Variants in SPMAP2L observed in about 807,000 individuals in gnomAD.
SPMAP2L encodes the protein sperm microtubule associated protein 2 like.
chr4:56,594,521 G>T, the SPMAP2L span: 3 of 1,607,710 alleles, frequency 1.9e-6, no homozygotes, highest in Middle Eastern at 1.8e-4. Flanking sequence ...AGCCCAGGGA[G>T]AATATGCTGG....
chr4:56,612,345 CT>C, the SPMAP2L span, among the ~76,000 whole-genome samples: 4 of 152,014 alleles, frequency 2.6e-5, no homozygotes, highest in African/African-American at 7.2e-5. Context: ...CCAAACATTT[CT>C]TTTTTTCTTT....
chr4:56,624,680 T>G, the SPMAP2L span, among the ~76,000 whole-genome samples: 1 of 152,228 alleles, frequency 6.6e-6, no homozygotes, highest in African/African-American at 2.4e-5. Context: ...CTTCAAGCCT[T>G]GGCAGCTTCC....
At chr4:56,612,483 C>T in the SPMAP2L span, among the ~76,000 whole-genome samples, 10 of 152,118 alleles carry the variant, frequency 6.6e-5, no homozygotes, top group Middle Eastern at 3.4e-3. Context: ...TGAGCCACCA[C>T]GCCTGGCTAA....
the SPMAP2L span, among the ~76,000 whole-genome samples, chr4:56,619,850 A>G: frequency 6.6e-6 from 1 of 152,152 alleles, no homozygotes; most frequent in East Asian, 1.9e-4. Flanking sequence ...TATATAAGGA[A>G]CTCCTACAAC....
chr4:56,613,062 T>C, the SPMAP2L span, among the ~76,000 whole-genome samples: 1 of 152,156 alleles, frequency 6.6e-6, no homozygotes, highest in Non-Finnish European at 1.5e-5. Flanking sequence ...TTAGCCTTTG[T>C]TCTCCCTTAT....
chr4:56,564,566 T>G, the SPMAP2L span, among the ~76,000 whole-genome samples: 8 of 152,220 alleles, frequency 5.3e-5, no homozygotes, highest in African/African-American at 1.9e-4. Context: ...ATTGGTAGGT[T>G]GTGCCTTCTC....
the SPMAP2L span, among the ~76,000 whole-genome samples, chr4:56,553,180 CTTTTTTTTTTTTTTTT>C: frequency 6.7e-5 from 2 of 29,990 alleles, no homozygotes; most frequent in Non-Finnish European, 1.1e-4. Context: ...TCTCCTATTG[CTTTTTTTTTTTTTTTT>C]TTTTTTTTTT....
chr4:56,564,208 A>G, the SPMAP2L span, among the ~76,000 whole-genome samples: 3 of 149,484 alleles, frequency 2.0e-5, no homozygotes, highest in South Asian at 2.1e-4. Context: ...ATGTCTGCTC[A>G]CTGCAATCTC....
the SPMAP2L span, among the ~76,000 whole-genome samples, chr4:56,614,045 G>A: frequency 6.6e-6 from 1 of 152,142 alleles, no homozygotes; most frequent in Non-Finnish European, 1.5e-5. Flanking sequence ...TGGAGTCCTG[G>A]TAGCTTTTAG....
the SPMAP2L span, among the ~76,000 whole-genome samples, chr4:56,601,348 G>A: frequency 6.6e-6 from 1 of 152,136 alleles, no homozygotes; most frequent in Non-Finnish European, 1.5e-5. Context: ...GATGGGGCAG[G>A]TGGATCACAC....
chr4:56,590,998 T>C, the SPMAP2L span, among the ~76,000 whole-genome samples: 10 of 152,202 alleles, frequency 6.6e-5, no homozygotes, highest in Non-Finnish European at 1.5e-4. Flanking sequence ...GGTTTCTGTC[T>C]TAGAGAATTA....
the SPMAP2L span, among the ~76,000 whole-genome samples, chr4:56,582,361 C>A: frequency 6.6e-6 from 1 of 151,902 alleles, no homozygotes; most frequent in Non-Finnish European, 1.5e-5. Context: ...CAATAAAAGA[C>A]AAATAACCCA....
chr4:56,619,842 T>A, the SPMAP2L span, among the ~76,000 whole-genome samples: 600 of 152,184 alleles, frequency 3.9e-3, 1 homozygote, highest in South Asian at 0.012. Flanking sequence ...CCCCAATATA[T>A]ATAAGGAACT....
At chr4:56,552,732 T>A in the SPMAP2L span, 10 of 646,390 alleles carry the variant, frequency 1.5e-5, no homozygotes, top group Non-Finnish European at 2.5e-5. Context: ...TATTGTCACC[T>A]CATTGTAGTC....
At chr4:56,606,490 T>G in the SPMAP2L span, among the ~76,000 whole-genome samples, 35 of 151,940 alleles carry the variant, frequency 2.3e-4, no homozygotes, top group Non-Finnish European at 4.1e-4. Context: ...CCCATATAGG[T>G]GCCCTGATGA....
the SPMAP2L span, among the ~76,000 whole-genome samples, chr4:56,555,105 A>G: frequency 2.0e-5 from 3 of 151,812 alleles, no homozygotes; most frequent in Admixed American, 1.3e-4. Flanking sequence ...ACGCCTGGCT[A>G]ATTTTGTATT....
At chr4:56,615,518 G>A in the SPMAP2L span, among the ~76,000 whole-genome samples, 9 of 152,086 alleles carry the variant, frequency 5.9e-5, no homozygotes, top group African/African-American at 1.9e-4. Flanking sequence ...AGGCCGAGGC[G>A]GGTGGATCAC....
chr4:56,623,704 C>T, the SPMAP2L span, among the ~76,000 whole-genome samples: 6 of 152,084 alleles, frequency 3.9e-5, no homozygotes, highest in Non-Finnish European at 8.8e-5. Flanking sequence ...TGGGGGTCTC[C>T]ACTTTTCCTT....
At chr4:56,570,315 A>G in the SPMAP2L span, among the ~76,000 whole-genome samples, 2 of 152,202 alleles carry the variant, frequency 1.3e-5, no homozygotes, top group African/African-American at 2.4e-5. Context: ...TGACAGGGCT[A>G]TGTTCTAAGA....
Sources: gnomAD v4.1 joint callset for allele counts (sites outside exome capture counted in the v4.1 genomes callset) on GRCh38, gnomAD v4.1.1 for gene constraint, MANE v1.5 for transcripts, NCBI Gene and HGNC (gene_info 2026-07-23, HGNC 2026-07-21) for gene names.